Variants in TECR observed in about 807,000 individuals in gnomAD.
TECR encodes the protein trans-2,3-enoyl-CoA reductase.
Under a neutral mutation model 50.6 loss-of-function variants are expected in TECR, and 19 were observed. That is an observed-to-expected ratio of 0.38 (90% CI 0.26 to 0.55). The LOEUF (loss-of-function observed/expected upper bound fraction) is 0.55. Ranked by LOEUF, TECR falls within the 20% of genes least tolerant of loss-of-function variation. The pLI, the probability that TECR is intolerant of heterozygous loss-of-function variation, is 0.79. For synonymous variants in TECR, 168 were observed against 163.5 expected (o/e 1.03, Z -0.21); for missense variants, 313 against 408.3 (o/e 0.77, Z 2.01).
chr19:14,535,506 CAAAAAAAAAAAAAAAAAAA>C (rs1172079027), intron 1 of TECR, among the ~76,000 whole-genome samples: 5 of 17,176 alleles, frequency 2.9e-4, no homozygotes, highest in African/African-American at 8.4e-4. Context: ...GACTCCGTCT[CAAAAAAAAAAAAAAAAAAA>C]AAAAAAAAAA....
chr19:14,553,713 G>A (rs1019416407), intron 1 of TECR, among the ~76,000 whole-genome samples: 1 of 151,968 alleles, frequency 6.6e-6, no homozygotes, highest in African/African-American at 2.4e-5. Context: ...TGGGGGCGAG[G>A]TGATGGGGGC....
intron 1 of TECR, among the ~76,000 whole-genome samples, chr19:14,558,956 C>A (rs1034560105): frequency 3.9e-5 from 6 of 152,202 alleles, no homozygotes; most frequent in African/African-American, 1.2e-4. Context: ...AGCCCCTGCC[C>A]CCTGTTGGCC....
At chr19:14,556,956 G>A (rs1353999065) in intron 1 of TECR, among the ~76,000 whole-genome samples, 1 of 152,068 alleles carries the variant, frequency 6.6e-6, no homozygotes, top group East Asian at 1.9e-4. Context: ...TGACCAGCTG[G>A]GCGAGGCATC....
intron 1 of TECR, among the ~76,000 whole-genome samples, chr19:14,556,128 C>T (rs1832877839): frequency 1.3e-5 from 2 of 152,204 alleles, no homozygotes; most frequent in Admixed American, 6.5e-5. Context: ...CCTTTCTGCC[C>T]TCACCTCCTC....
At chr19:14,530,688 A>G (rs2072608252) in intron 1 of TECR, 1 of 152,186 alleles carries the variant, frequency 6.6e-6, no homozygotes, top group Admixed American at 6.6e-5. Flanking sequence ...CTTAGTTCCT[A>G]GCCACTATGC....
chr19:14,552,023 G>A (rs2146604456), intron 1 of TECR, among the ~76,000 whole-genome samples: 1 of 142,474 alleles, frequency 7.0e-6, no homozygotes, highest in East Asian at 2.1e-4. Context: ...CGCCCAGGCT[G>A]GAGTGCAGTC....
Position 14,564,226 on chromosome 19 carries a change from TGGAGAC to T in TECR, c.430_435del (p.Glu144_Thr145del). The T allele has an allele frequency of 6.2e-7, 1 of 1,608,170 alleles. No homozygotes were observed. The highest frequency in any genetic ancestry group is 8.5e-7 in the Non-Finnish European group (1 of 1,179,800). ...TCATTCCACTACATCAAGCGCCTGC[TGGAGAC>T]GCTCTTCGTGCACCGCTTCTCCCAT... On this transcript the variant is annotated inframe_deletion, in exon 7 of 13. Coordinates refer to ENST00000215567, the MANE Select transcript of TECR (RefSeq NM_138501.6).
intron 1 of TECR, among the ~76,000 whole-genome samples, chr19:14,554,432 C>T (rs1326041294): frequency 2.0e-5 from 3 of 152,124 alleles, no homozygotes; most frequent in Admixed American, 1.3e-4. Flanking sequence ...AGAGGGCAGG[C>T]AGGTGCCTTG....
chr19:14,556,048 C>G lies in TECR; in HGVS notation c.16-6477C>G, dbSNP rs377550348. Among the ~76,000 whole-genome samples the G allele has an allele frequency of 1.4e-3, 215 of 152,292 alleles. 5 individuals carry two copies. In the South Asian group the frequency reaches 0.043, roughly 31 times the overall value. ...CTGCTCAAGAACCCTCTATGGCTGC[C>G]ACTTCACTCAGAGTAAAAGCTAACG... On this transcript the variant is annotated intron_variant, in intron 1 of 12. Coordinates refer to ENST00000215567, the MANE Select transcript of TECR (RefSeq NM_138501.6).
chr19:14,539,725 A>ATGCC (rs2146570256), intron 1 of TECR, among the ~76,000 whole-genome samples: 1 of 151,918 alleles, frequency 6.6e-6, no homozygotes, highest in Admixed American at 6.6e-5. Flanking sequence ...TGCTTTCCTC[A>ATGCC]TGCCTGGCCC....
intron 1 of TECR, among the ~76,000 whole-genome samples, chr19:14,544,024 C>T (rs937150922): frequency 6.6e-6 from 1 of 152,134 alleles, no homozygotes; most frequent in Non-Finnish European, 1.5e-5. Context: ...AGGTGTGAGC[C>T]AACGTGCCGG....
At chr19:14,538,583 A>G (rs1320179455) in intron 1 of TECR, among the ~76,000 whole-genome samples, 1 of 147,758 alleles carries the variant, frequency 6.8e-6, no homozygotes. Context: ...ACCAGGCTGG[A>G]GTGCAGTGGC....
chr19:14,550,428 C>T (rs2073458642), intron 1 of TECR, among the ~76,000 whole-genome samples: 1 of 152,088 alleles, frequency 6.6e-6, no homozygotes, highest in Non-Finnish European at 1.5e-5. Flanking sequence ...GGATGAGCTC[C>T]TCCTGCTCCT....
chr19:14,562,675 CCCCCTGCCCTA>C, intron 2 of TECR, 100 bp downstream of exon 2: 5 of 1,367,472 alleles, frequency 3.7e-6, no homozygotes, highest in Non-Finnish European at 5.2e-6. Context: ...TTGTGCCCCA[CCCCCTGCCCTA>C]TGGAGGGGTA....
Position 14,563,090 on chromosome 19 carries a change from T to A in TECR, c.67-116T>A. 1 of 1,230,500 alleles carries A rather than the reference T, an allele frequency of 8.1e-7. No homozygotes were observed. The highest frequency in any genetic ancestry group is 2.5e-5 in the East Asian group (1 of 40,242). 76.2% of individuals were successfully genotyped at this position (1,230,500 alleles called of 1,614,324 possible). A position where few individuals can be genotyped will look rare whatever the true frequency, so the allele number is the denominator to read the frequency against. The stretch of plus-strand genomic sequence containing the variant: ...CAGGCAGAGGCCTGGACCCCAGCCC[T>A]TCCCCCTTCCCATAGCTACAGCCCA... On this transcript the variant is annotated intron_variant, in intron 2 of 12. Coordinates refer to ENST00000215567, the MANE Select transcript of TECR (RefSeq NM_138501.6). The surrounding 1 kb of genome is among the most constrained non-coding windows in gnomAD (Gnocchi z 5.3).
At chr19:14,547,334 G>A (rs939296277) in intron 1 of TECR, among the ~76,000 whole-genome samples, 3 of 150,346 alleles carry the variant, frequency 2.0e-5, no homozygotes, top group East Asian at 1.9e-4. Context: ...GTGAGCCACC[G>A]TACCTGGCCT....
At chr19:14,545,052 C>T (rs2073252271) in intron 1 of TECR, 14 of 456,226 alleles carry the variant, frequency 3.1e-5, no homozygotes, top group Non-Finnish European at 5.7e-5. Flanking sequence ...TGAGTTGTTT[C>T]TAAGCCTCTC....
intron 1 of TECR, among the ~76,000 whole-genome samples, chr19:14,542,347 G>GGTTTTTT (rs2073124658): frequency 1.8e-4 from 8 of 43,282 alleles, no homozygotes; most frequent in African/African-American, 6.5e-4. Flanking sequence ...ATGCCATAGT[G>GGTTTTTT]TTTTTTTTTT....
chr19:14,533,718 GGA>G (rs1347431387), intron 1 of TECR, among the ~76,000 whole-genome samples: 1 of 152,118 alleles, frequency 6.6e-6, no homozygotes, highest in Admixed American at 6.6e-5. Flanking sequence ...TGATCTGAGA[GGA>G]AAAGTTTTCC....
Sources: allele counts gnomAD v4.1 joint callset (sites outside exome capture counted in the v4.1 genomes callset), GRCh38; gene constraint gnomAD v4.1.1; non-coding constraint Gnocchi (gnomAD v3.1); transcripts MANE v1.5; gene names NCBI Gene and HGNC (gene_info 2026-07-23, HGNC 2026-07-21).